Variants in SNTG1 observed in about 807,000 individuals in gnomAD.
SNTG1 encodes the protein syntrophin gamma 1, also known as gamma-1-syntrophin.
SNTG1 carries 39 observed loss-of-function variants against 74.7 expected under a neutral mutation model. The observed-to-expected ratio is 0.52, with a 90% confidence interval of 0.40 to 0.68. The LOEUF is 0.68. SNTG1 is among the 30% of genes least tolerant of loss of function. The pLI, the probability that SNTG1 is intolerant of heterozygous loss-of-function variation, is 0.00. For synonymous variants in SNTG1, 254 were observed against 217.1 expected, an observed-to-expected ratio of 1.17 and a Z score of -1.49; for missense variants, 685 against 609.5, an observed-to-expected ratio of 1.12 and a Z score of -1.30.
At chr8:50,421,930 G>A (rs1330321102) in intron 4 of SNTG1, among the ~76,000 whole-genome samples, 1 of 152,186 alleles carries the variant, frequency 6.6e-6, no homozygotes, top group Admixed American at 6.5e-5. Flanking sequence ...TTAATGGCAA[G>A]AGAGGTTATG....
At chr8:50,606,564 TTTTA>T (rs1288443299) in intron 13 of SNTG1, among the ~76,000 whole-genome samples, 1 of 151,962 alleles carries the variant, frequency 6.6e-6, no homozygotes, top group Non-Finnish European at 1.5e-5. Context: ...TTTGGATACA[TTTTA>T]TTTCTTTTTA....
At chr8:50,209,883 A>G (rs1484930250) in intron 2 of SNTG1, among the ~76,000 whole-genome samples, 1 of 151,748 alleles carries the variant, frequency 6.6e-6, no homozygotes, top group African/African-American at 2.4e-5. Flanking sequence ...GACTTTGTTG[A>G]GTTGAGAGAA....
At chr8:50,382,956 T>G (rs2092513914) in intron 2 of SNTG1, among the ~76,000 whole-genome samples, 1 of 152,166 alleles carries the variant, frequency 6.6e-6, no homozygotes, top group Admixed American at 6.6e-5. Context: ...CAATGTTTGC[T>G]TTTAGGGCCT....
intron 10 of SNTG1, among the ~76,000 whole-genome samples, chr8:50,534,284 T>C (rs1403546883): frequency 1.3e-5 from 2 of 152,114 alleles, no homozygotes; most frequent in African/African-American, 2.4e-5. Context: ...TGCGTGTGTG[T>C]GCACTGGGGT....
intron 2 of SNTG1, among the ~76,000 whole-genome samples, chr8:50,225,411 TGTCA>T (rs1190121072): frequency 1.3e-5 from 2 of 152,196 alleles, no homozygotes; most frequent in Non-Finnish European, 2.9e-5. Context: ...TTTCAACCAT[TGTCA>T]GTCAGAAAAT....
chr8:49,922,895 G>C (rs1806682167), intron 1 of SNTG1, among the ~76,000 whole-genome samples: 1 of 151,940 alleles, frequency 6.6e-6, no homozygotes, highest in South Asian at 2.1e-4. Context: ...ACATGTAACT[G>C]GTTTTGGTTT....
At chr8:50,236,986 A>G (rs1208114103) in intron 2 of SNTG1, among the ~76,000 whole-genome samples, 4 of 152,302 alleles carry the variant, frequency 2.6e-5, no homozygotes, top group African/African-American at 9.6e-5. Context: ...CACTATCACA[A>G]ATATTGCTTG....
chr8:50,271,874 G>A (rs902109813), intron 2 of SNTG1, among the ~76,000 whole-genome samples: 1 of 152,164 alleles, frequency 6.6e-6, no homozygotes, highest in Non-Finnish European at 1.5e-5. Context: ...AGGATTAGGA[G>A]GTGGAGCCTT....
intron 2 of SNTG1, among the ~76,000 whole-genome samples, chr8:50,209,017 C>T (rs576516904): frequency 1.2e-4 from 18 of 152,242 alleles, no homozygotes; most frequent in Middle Eastern, 3.4e-3. Flanking sequence ...CCTGGAAAAT[C>T]GGTACATTCC....
intron 1 of SNTG1, among the ~76,000 whole-genome samples, chr8:50,081,525 C>A (rs1822409371): frequency 1.3e-5 from 2 of 152,126 alleles, no homozygotes; most frequent in African/African-American, 4.8e-5. Context: ...TCACTTTCTC[C>A]TCTTCTTCCT....
At position 50,541,243 on chromosome 8, in the gene SNTG1, CTGTGTGTGTGTG is replaced by C. The variant is rs200129335; in HGVS notation, c.680+4458_680+4469del. 3.5e-5 allele frequency among the ~76,000 whole-genome samples: 5 copies of C among 143,058 alleles called. No homozygotes were observed. The East Asian group carries it at 6.1e-4, about 18-fold the overall frequency. 93.9% of individuals were successfully genotyped at this position (143,058 alleles called of 152,430 possible). A position where few individuals can be genotyped will look rare whatever the true frequency, so the allele number is the denominator to read the frequency against. The stretch of plus-strand genomic sequence containing the variant: ...ACAAAATTCACCACTAAGATTTTAC[CTGTGTGTGTGTG>C]TGTGTGTGTGTGTGTGTGTGTGCAT... On this transcript the variant is annotated intron_variant, in intron 11 of 18. Coordinates refer to ENST00000642720, the MANE Select transcript of SNTG1 (RefSeq NM_018967.5).
intron 15 of SNTG1, among the ~76,000 whole-genome samples, chr8:50,671,386 C>T (rs1449862909): frequency 6.6e-6 from 1 of 151,650 alleles, no homozygotes; most frequent in South Asian, 2.1e-4. Context: ...GGGCGAAGGA[C>T]ATGAACAGAC....
At chr8:49,931,609 T>G (rs1408416925) in intron 1 of SNTG1, among the ~76,000 whole-genome samples, 1 of 152,166 alleles carries the variant, frequency 6.6e-6, no homozygotes, top group South Asian at 2.1e-4. Context: ...ATGAAAAAAC[T>G]AACCAAAAAA....
At chr8:50,121,320 T>C (rs1157126264) in intron 1 of SNTG1, among the ~76,000 whole-genome samples, 1 of 142,180 alleles carries the variant, frequency 7.0e-6, no homozygotes, top group Non-Finnish European at 1.6e-5. Flanking sequence ...AAAGCACTTT[T>C]AACTAGATGG....
chr8:50,219,002 C>T (rs1035758538), intron 2 of SNTG1, among the ~76,000 whole-genome samples: 1 of 152,142 alleles, frequency 6.6e-6, no homozygotes, highest in Non-Finnish European at 1.5e-5. Flanking sequence ...GGTGGGAAAT[C>T]AGTATGGGAA....
At chr8:50,532,041 A>C (rs190235448) in intron 10 of SNTG1, among the ~76,000 whole-genome samples, 57 of 152,250 alleles carry the variant, frequency 3.7e-4, no homozygotes, top group African/African-American at 1.2e-3. Context: ...ATCCCAAATA[A>C]ATTCAGTTTT....
chr8:50,614,170 TTACA>T lies in SNTG1; in HGVS notation c.849+23258_849+23261del, dbSNP rs542482557. Among the ~76,000 whole-genome samples, 225 of 152,266 alleles carry T rather than the reference TTACA, an allele frequency of 1.5e-3. 2 individuals carry two copies. Among genetic ancestry groups the T allele is most frequent in the Non-Finnish European group, 5.9e-4 (40 of 67,974 alleles). Reference sequence around the variant, plus strand: ...AGAAACAATTGAAAATAATAACATATTACATACAATTTATTACAAAGGAATAAGA... The same window carrying T: ...AGAAACAATTGAAAATAATAACATATTACAATTTATTACAAAGGAATAAGA... On this transcript the variant is annotated intron_variant, in intron 13 of 18. Coordinates refer to ENST00000642720, the MANE Select transcript of SNTG1 (RefSeq NM_018967.5).
intron 1 of SNTG1, among the ~76,000 whole-genome samples, chr8:50,158,854 G>A (rs574694084): frequency 2.6e-5 from 4 of 152,094 alleles, no homozygotes; most frequent in Admixed American, 6.6e-5. Context: ...TGATAGAATC[G>A]CTGAGACCTT....
intron 1 of SNTG1, among the ~76,000 whole-genome samples, chr8:49,922,430 G>A (rs1045372065): frequency 6.6e-6 from 1 of 152,028 alleles, no homozygotes; most frequent in Non-Finnish European, 1.5e-5. Flanking sequence ...CCAAACAGTG[G>A]GCAATTTATT....
Sources: allele counts gnomAD v4.1 joint callset (sites outside exome capture counted in the v4.1 genomes callset), GRCh38; gene constraint gnomAD v4.1.1; transcripts MANE v1.5; gene names NCBI Gene and HGNC (gene_info 2026-07-23, HGNC 2026-07-21).